Variants in AGTPBP1 observed in about 807,000 individuals in gnomAD.
AGTPBP1 encodes cytosolic carboxypeptidase 1.
A neutral mutation model predicts 143.9 loss-of-function variants in AGTPBP1; 70 were observed. The ratio of observed to expected loss-of-function variants is 0.49; its 90% CI spans 0.40 to 0.59. The LOEUF is 0.59. Ranked by LOEUF, AGTPBP1 falls within the 20% of genes least tolerant of loss-of-function variation. The pLI is 0.00. For synonymous variants in AGTPBP1, 463 were observed against 500.2 expected (o/e 0.93, Z 0.99); for missense variants, 1,229 against 1,464.5 (o/e 0.84, Z 2.62).
rs1315479188 is a variant in AGTPBP1 at position 85,642,871 on chromosome 9, T to C, written c.1258A>G (p.Lys420Glu). The change falls in exon 13 of 26, where the codon AAA becomes GAA. Residue 420 changes from lysine (K) to glutamate (E), a missense_variant. Lys to Glu is a moderately conservative substitution (Grantham distance 56). Coordinates refer to ENST00000357081, the MANE Select transcript of AGTPBP1 (RefSeq NM_001330701.2). ...QEPGRTIEDL[K>E]MYEHLFPELV... ...TCAGGGAAAAGGTGTTCATACATTT[T>C]TAGATCTTCTATTGTTCGTCCCGGT... 1 of 1,613,430 alleles carries C rather than the reference T, an allele frequency of 6.2e-7. No individual in the cohort carries two copies. Among genetic ancestry groups the C allele is most frequent in the African/African-American group, 1.3e-5 (1 of 75,028 alleles).
chr9:85,776,723 G>T, the AGTPBP1 span, among the ~76,000 whole-genome samples: 3 of 152,138 alleles, frequency 2.0e-5, no homozygotes, highest in Non-Finnish European at 4.4e-5. Flanking sequence ...TTAACTTTCA[G>T]TTTAATGGAA....
chr9:85,792,788 T>G, the AGTPBP1 span, among the ~76,000 whole-genome samples: 1 of 152,180 alleles, frequency 6.6e-6, no homozygotes, highest in Admixed American at 6.5e-5. Flanking sequence ...AAATGCTTTA[T>G]CAAATGAAAG....
rs572703636 is a variant in AGTPBP1, at chr9:85,596,949, G to C, written c.2336-500C>G. 8.9e-4 allele frequency among the ~76,000 whole-genome samples: 136 copies of C among 152,110 alleles called. 1 individual carries two copies. In the Middle Eastern group the frequency reaches 0.024, roughly 27 times the overall value. ...CAAAAATATAAAGTATACTTTCTTGGATATTCTTAGAAATATATTTTCCAC... is the reference window on the plus strand; with the variant it reads ...CAAAAATATAAAGTATACTTTCTTGCATATTCTTAGAAATATATTTTCCAC... On this transcript the variant is annotated intron_variant, in intron 17 of 25. Transcript: ENST00000357081.
intron 25 of AGTPBP1, among the ~76,000 whole-genome samples, chr9:85,572,766 A>T (rs1030736432): frequency 6.6e-6 from 1 of 152,172 alleles, no homozygotes; most frequent in African/African-American, 2.4e-5. Flanking sequence ...GAGAATTGAC[A>T]ATTTTTATAT....
At chr9:85,778,513 C>T in the AGTPBP1 span, among the ~76,000 whole-genome samples, 1 of 152,216 alleles carries the variant, frequency 6.6e-6, no homozygotes, top group Non-Finnish European at 1.5e-5. Context: ...GGCAGAGCAG[C>T]TTGCACAGCA....
upstream of AGTPBP1, chr9:85,742,003 T>G (rs532393870): frequency 3.7e-5 from 45 of 1,208,706 alleles, 1 homozygote; most frequent in South Asian, 1.7e-3. Context: ...ACCGCACGCC[T>G]TGCCAGCCGG....
intron 17 of AGTPBP1, among the ~76,000 whole-genome samples, chr9:85,612,369 G>A (rs1387175911): frequency 2.0e-5 from 3 of 151,940 alleles, no homozygotes; most frequent in Non-Finnish European, 4.4e-5. Context: ...TCCAAAACAC[G>A]GGATTCAGAG....
chr9:85,763,083 A>G, the AGTPBP1 span, among the ~76,000 whole-genome samples: 1 of 152,034 alleles, frequency 6.6e-6, no homozygotes, highest in African/African-American at 2.4e-5. Flanking sequence ...CTTTAAACTC[A>G]TGAGGAAAAT....
At chr9:85,676,010 T>C (rs1211411995) in intron 6 of AGTPBP1, among the ~76,000 whole-genome samples, 1 of 151,922 alleles carries the variant, frequency 6.6e-6, no homozygotes, top group African/African-American at 2.4e-5. Flanking sequence ...GGTGACACAG[T>C]GAGCCTCCGT....
At chr9:85,629,384 CAG>C (rs1831512114) in intron 14 of AGTPBP1, among the ~76,000 whole-genome samples, 1 of 152,148 alleles carries the variant, frequency 6.6e-6, no homozygotes, top group African/African-American at 2.4e-5. Context: ...AATATTAAGA[CAG>C]AGAAGGTTGG....
chr9:85,695,548 C>T (rs1467961596), intron 2 of AGTPBP1, among the ~76,000 whole-genome samples: 2 of 152,256 alleles, frequency 1.3e-5, no homozygotes, highest in African/African-American at 2.4e-5. Context: ...GGCAGTGACA[C>T]CAAACTGTTC....
In AGTPBP1 at chr9:85,575,457, G is replaced by A. The variant is rs773403692; in HGVS notation, c.3361C>T (p.Arg1121Ter). Reference protein sequence around the residue: ...GKYKGLQIGTRELEEMGAKFC... With the variant: ...GKYKGLQIGT ...TTTGCTCCCATCTCTTCCAGTTCTC[G>A]GGTACCAATCTGTAAACCCTTGAAA... Residue 1121 changes from arginine to a stop codon, truncating the protein, a stop_gained, in exon 25 of 26, where the codon CGA (arginine) becomes TGA (stop). Coordinates refer to ENST00000357081, the MANE Select transcript of AGTPBP1 (RefSeq NM_001330701.2). LOFTEE classifies it high-confidence loss of function. 6.2e-6 allele frequency: 10 copies of A among 1,605,766 alleles called. No homozygotes were observed. In the African/African-American group the frequency reaches 8.1e-5, roughly 13 times the overall value.
chr9:85,626,232 A>G (rs1404302408), intron 14 of AGTPBP1, among the ~76,000 whole-genome samples: 1 of 152,128 alleles, frequency 6.6e-6, no homozygotes, highest in Non-Finnish European at 1.5e-5. Context: ...TTTCTCTTTC[A>G]TTTGGAGGTA....
intron 17 of AGTPBP1, among the ~76,000 whole-genome samples, chr9:85,611,400 C>A: frequency 6.6e-6 from 1 of 150,686 alleles, no homozygotes. Flanking sequence ...CAAATTCAAA[C>A]CAATATAAAA....
At chr9:85,649,652 C>T (rs925075519) in intron 11 of AGTPBP1, among the ~76,000 whole-genome samples, 1 of 152,086 alleles carries the variant, frequency 6.6e-6, no homozygotes, top group African/African-American at 2.4e-5. Context: ...CATTTCATTA[C>T]TATTTATGAT....
chr9:85,689,004 T>C (rs917282881), intron 3 of AGTPBP1, among the ~76,000 whole-genome samples: 2 of 152,238 alleles, frequency 1.3e-5, no homozygotes, highest in Non-Finnish European at 2.9e-5. Flanking sequence ...AATGAGACTA[T>C]ACATATTTTG....
intron 25 of AGTPBP1, among the ~76,000 whole-genome samples, chr9:85,560,490 G>C (rs1826638534): frequency 6.6e-6 from 1 of 151,944 alleles, no homozygotes; most frequent in African/African-American, 2.4e-5. Flanking sequence ...AGAAAATGAG[G>C]GTGCAAGTGG....
intron 25 of AGTPBP1, among the ~76,000 whole-genome samples, chr9:85,572,815 G>C (rs1827597123): frequency 6.6e-6 from 1 of 152,190 alleles, no homozygotes; most frequent in Non-Finnish European, 1.5e-5. Flanking sequence ...TTGAAGGATA[G>C]AGAATGCAGG....
intron 2 of AGTPBP1, among the ~76,000 whole-genome samples, chr9:85,693,708 G>A (rs979303112): frequency 1.8e-4 from 27 of 152,150 alleles, no homozygotes; most frequent in African/African-American, 5.8e-4. Context: ...TTCTTATGGT[G>A]AGAAACAAGT....
Sources: allele counts gnomAD v4.1 joint callset (sites outside exome capture counted in the v4.1 genomes callset), GRCh38; gene constraint gnomAD v4.1.1; transcripts MANE v1.5; gene names NCBI Gene and HGNC (gene_info 2026-07-23, HGNC 2026-07-21).